Variants in RASGRF2 observed in about 807,000 individuals in gnomAD.
RASGRF2 encodes Ras protein specific guanine nucleotide releasing factor 2, also known as ras-specific guanine nucleotide-releasing factor 2.
Under a neutral mutation model 151.0 loss-of-function variants are expected in RASGRF2, and 76 were observed. That is an observed-to-expected ratio of 0.50 (90% CI 0.42 to 0.61). The LOEUF (loss-of-function observed/expected upper bound fraction) is 0.61, where lower values mean the gene tolerates loss of function less well. Ranked by LOEUF, RASGRF2 falls within the 20% of genes least tolerant of loss-of-function variation. RASGRF2 has a pLI of 0.00. For missense variants in RASGRF2, 1,148 were observed against 1,564.6 expected, an observed-to-expected ratio of 0.73 and a Z score of 4.49; for synonymous variants, 504 against 566.5, an observed-to-expected ratio of 0.89 and a Z score of 1.57.
intron 1 of RASGRF2, among the ~76,000 whole-genome samples, chr5:80,975,891 T>A (rs527749852): frequency 1.3e-5 from 2 of 151,416 alleles, no homozygotes; most frequent in Admixed American, 6.6e-5. Flanking sequence ...TTTGTTCTCA[T>A]TGCCCAGGCT....
At chr5:80,971,737 T>TTTAGAGACAGGCTAA (rs1392617955) in intron 1 of RASGRF2, among the ~76,000 whole-genome samples, 1 of 151,736 alleles carries the variant, frequency 6.6e-6, no homozygotes, top group East Asian at 1.9e-4. Flanking sequence ...GGCTAATTTT[T>TTTAGAGACAGGCTAA]TTTTTGTATT....
intron 1 of RASGRF2, among the ~76,000 whole-genome samples, chr5:81,013,995 T>A (rs1036526092): frequency 6.6e-6 from 1 of 152,224 alleles, no homozygotes; most frequent in Non-Finnish European, 1.5e-5. Context: ...GTAACTTGCC[T>A]ACTTATAGTT....
At chr5:81,138,096 G>C (rs2112594090) in intron 17 of RASGRF2, among the ~76,000 whole-genome samples, 2 of 152,282 alleles carry the variant, frequency 1.3e-5, no homozygotes, top group Admixed American at 1.3e-4. Context: ...TTCTCAGAGA[G>C]AATCTGTTTT....
At chr5:81,128,032 G>A (rs968218613) in intron 17 of RASGRF2, among the ~76,000 whole-genome samples, 3 of 151,964 alleles carry the variant, frequency 2.0e-5, no homozygotes, top group Non-Finnish European at 4.4e-5. Context: ...AATAAGCCAG[G>A]CACAGAACGG....
At chr5:80,963,689 G>T (rs1747634494) in intron 1 of RASGRF2, among the ~76,000 whole-genome samples, 1 of 152,192 alleles carries the variant, frequency 6.6e-6, no homozygotes, top group African/African-American at 2.4e-5. Context: ...TGGACATTCT[G>T]ATAAATTAGT....
intron 1 of RASGRF2, among the ~76,000 whole-genome samples, chr5:80,968,121 C>A (rs796164652): frequency 7.2e-5 from 11 of 152,376 alleles, no homozygotes; most frequent in African/African-American, 2.6e-4. Context: ...ATAGGCCTGG[C>A]ACATGGTGAA....
At chr5:81,074,950 A>G (rs1227909721) in intron 5 of RASGRF2, among the ~76,000 whole-genome samples, 2 of 152,190 alleles carry the variant, frequency 1.3e-5, no homozygotes, top group African/African-American at 4.8e-5. Flanking sequence ...TGGTACAGCC[A>G]TTAACTTTTG....
At position 81,229,393 on chromosome 5, in the gene RASGRF2, C is replaced by A. The variant is rs559176112; in HGVS notation, c.*3623C>A. 1 of 152,250 alleles carries A rather than the reference C, an allele frequency of 6.6e-6. No individual in the cohort carries two copies. The highest frequency in any genetic ancestry group is 1.9e-4 in the East Asian group (1 of 5,180). 9.4% of individuals were successfully genotyped at this position (152,250 alleles called of 1,614,324 possible). ...AATCAGATTGTAAGTTTAATGGCTC[C>A]ATTATAGATACCACCGTGTAATAGA... On this transcript the variant is annotated 3_prime_UTR_variant, in exon 27 of 27. Transcript: ENST00000265080.
At chr5:81,136,979 A>G (rs868204535) in intron 17 of RASGRF2, among the ~76,000 whole-genome samples, 7 of 151,674 alleles carry the variant, frequency 4.6e-5, no homozygotes, top group Non-Finnish European at 8.8e-5. Context: ...GTTTCTATTT[A>G]CCTGTTTACA....
chr5:81,035,804 A>C (rs763599994), intron 1 of RASGRF2, among the ~76,000 whole-genome samples: 13 of 152,166 alleles, frequency 8.5e-5, no homozygotes, highest in Non-Finnish European at 1.8e-4. Flanking sequence ...AGATTCAAAC[A>C]TACATCCTAT....
chr5:80,960,945 G>A lies in RASGRF2; in HGVS notation c.207G>A (p.Glu69=), dbSNP rs1238153148. The A allele has an allele frequency of 6.3e-7, 1 of 1,581,124 alleles. No individual in the cohort carries two copies. The stretch of plus-strand genomic sequence containing the variant: ...GCCCGGCGGGCATGTACCTCCTGGA[G>A]GGCTGCAGCTGCGAACGAACGCCCG... ...SCRPAGMYLL[E]GCSCERTPAP... is the part of the protein sequence containing the mutation. The change falls in exon 1 of 27, where the codon GAG becomes GAA. Residue 69 remains glutamate (E), a synonymous_variant. Transcript: ENST00000265080. This position sits in a 1 kb window ranked among gnomAD's most constrained non-coding sequence, Gnocchi z 5.5.
At chr5:81,201,587 T>C in intron 19 of RASGRF2, 145 bp downstream of exon 19, 1 of 931,642 alleles carries the variant, frequency 1.1e-6, no homozygotes, top group Non-Finnish European at 1.5e-6. Context: ...ATCTTCTCTT[T>C]CCTGGGGGCA....
At chr5:81,022,078 A>G (rs1749848236) in intron 1 of RASGRF2, among the ~76,000 whole-genome samples, 1 of 152,222 alleles carries the variant, frequency 6.6e-6, no homozygotes, top group South Asian at 2.1e-4. Context: ...TGATTGGATC[A>G]TCAGAGATTC....
At chr5:81,212,092 C>T (rs1368501044) in intron 22 of RASGRF2, among the ~76,000 whole-genome samples, 1 of 152,164 alleles carries the variant, frequency 6.6e-6, no homozygotes, top group Non-Finnish European at 1.5e-5. Flanking sequence ...AGAAATGACA[C>T]CATCAAAATT....
intron 17 of RASGRF2, among the ~76,000 whole-genome samples, chr5:81,160,688 T>C (rs1334269516): frequency 7.3e-6 from 1 of 136,680 alleles, no homozygotes. Flanking sequence ...TCAAAAATAA[T>C]AATAATAATA....
In RASGRF2 at chr5:80,976,510, C is replaced by T. The variant is rs1406442339; in HGVS notation, c.288+15484C>T. ...TGTCTTCAGTCTCATTCTCCTCCAT[C>T]GGAACTAGTATACATAACCTCTATA... On this transcript the variant is annotated intron_variant, in intron 1 of 26. Transcript: ENST00000265080. 3.9e-5 allele frequency among the ~76,000 whole-genome samples: 6 copies of T among 152,314 alleles called. No individual in the cohort carries two copies. The East Asian group carries it at 5.8e-4, about 15-fold the overall frequency.
rs552970065 is a variant in RASGRF2, at chr5:81,057,759, C to A, written c.396-10273C>A. On this transcript the variant is annotated intron_variant, in intron 2 of 26. Transcript: ENST00000265080. The stretch of plus-strand genomic sequence containing the variant: ...CCTATAATCCAAGCACTTTGGGAAG[C>A]CGAGGCCAGTGGATCACTTGAGCTC... Among the ~76,000 whole-genome samples, 11 of 152,168 alleles carry A rather than the reference C, an allele frequency of 7.2e-5. No individual in the cohort carries two copies. In the South Asian group the frequency reaches 2.1e-3, roughly 29 times the overall value.
Position 81,229,569 on chromosome 5 carries a change from G to T in RASGRF2, c.*3799G>T, listed in dbSNP as rs1756067623. 6.6e-6 allele frequency: 1 copy of T among 152,232 alleles called. No homozygotes were observed. The highest frequency in any genetic ancestry group is 1.9e-4 in the East Asian group (1 of 5,200). The allele number at this position is 152,232 out of a possible 1,614,324, so 9.4% of individuals were successfully genotyped here. On this transcript the variant is annotated 3_prime_UTR_variant, in exon 27 of 27. Transcript: ENST00000265080. ...ATTCAGAAAATTATTCATCTCAGCTGCCATGCAGCATGACATTAACATTAG... is the reference window on the plus strand; with the variant it reads ...ATTCAGAAAATTATTCATCTCAGCTTCCATGCAGCATGACATTAACATTAG...
At chr5:81,041,990 C>G (rs1387718194) in intron 1 of RASGRF2, among the ~76,000 whole-genome samples, 3 of 152,212 alleles carry the variant, frequency 2.0e-5, no homozygotes, top group Admixed American at 6.5e-5. Flanking sequence ...GATGCTTTTG[C>G]TCCATGTTAT....
Sources: allele counts gnomAD v4.1 joint callset (sites outside exome capture counted in the v4.1 genomes callset), GRCh38; gene constraint gnomAD v4.1.1; non-coding constraint Gnocchi (gnomAD v3.1); transcripts MANE v1.5; gene names NCBI Gene and HGNC (gene_info 2026-07-23, HGNC 2026-07-21).